Variants in PTPRN2 observed in about 807,000 individuals in gnomAD.
PTPRN2 encodes the protein receptor-type tyrosine-protein phosphatase N2.
A neutral mutation model predicts 118.8 loss-of-function variants in PTPRN2; 74 were observed. That is an observed-to-expected ratio of 0.62 (90% CI 0.52 to 0.76). PTPRN2 has a LOEUF of 0.76. PTPRN2 is among the 30% of genes least tolerant of loss of function. The pLI is 0.00. For missense variants in PTPRN2, 1,481 were observed against 1,394.4 expected, an observed-to-expected ratio of 1.06 and a Z score of -0.99; for synonymous variants, 641 against 608.0, an observed-to-expected ratio of 1.05 and a Z score of -0.80.
chr7:157,958,341 T>C (rs996640277), intron 11 of PTPRN2, among the ~76,000 whole-genome samples: 1 of 152,082 alleles, frequency 6.6e-6, no homozygotes, highest in Admixed American at 6.6e-5. Context: ...CTAGGAACAA[T>C]ATGAGGAGGC....
chr7:157,541,101 C>T (rs1797992694), intron 22 of PTPRN2, among the ~76,000 whole-genome samples: 1 of 152,240 alleles, frequency 6.6e-6, no homozygotes, highest in Non-Finnish European at 1.5e-5. Context: ...GCAACGGTTC[C>T]TGCGTACTGC....
At chr7:158,238,360 G>A (rs1795681330) in intron 3 of PTPRN2, among the ~76,000 whole-genome samples, 1 of 151,984 alleles carries the variant, frequency 6.6e-6, no homozygotes, top group Non-Finnish European at 1.5e-5. Flanking sequence ...ATAAAATAAA[G>A]CGGGGGGTGT....
intron 11 of PTPRN2, among the ~76,000 whole-genome samples, chr7:158,066,588 A>G (rs532002583): frequency 4.1e-4 from 63 of 152,140 alleles, no homozygotes; most frequent in Non-Finnish European, 8.2e-4. Flanking sequence ...GGCACTGTAG[A>G]GAGACAGAAA....
chr7:158,000,522 C>T (rs1805142227), intron 11 of PTPRN2, among the ~76,000 whole-genome samples: 1 of 149,738 alleles, frequency 6.7e-6, no homozygotes, highest in South Asian at 2.1e-4. Context: ...AGGAAGCTGC[C>T]TGACATTTCG....
Position 158,205,788 on chromosome 7 carries a change from G to T in PTPRN2, c.278-515C>A, listed in dbSNP as rs370661273. On this transcript the variant is annotated intron_variant, in intron 3 of 22. Coordinates refer to ENST00000389418, the MANE Select transcript of PTPRN2 (RefSeq NM_002847.5). The stretch of plus-strand genomic sequence containing the variant: ...GCATGCACTTGGGAGAGAGAGCACA[G>T]TGATAGTGGGACTTGGTATTGGAAC... 2.0e-4 allele frequency among the ~76,000 whole-genome samples: 30 copies of T among 152,326 alleles called. No individual in the cohort carries two copies. In the East Asian group the frequency reaches 5.8e-3, roughly 29 times the overall value.
chr7:157,949,046 G>A (rs1800657421), intron 11 of PTPRN2, among the ~76,000 whole-genome samples: 2 of 152,118 alleles, frequency 1.3e-5, no homozygotes, highest in African/African-American at 4.8e-5. Context: ...CAGGGGGCGG[G>A]TGTCTTAGAA....
Position 157,794,923 on chromosome 7 carries a change from T to A in PTPRN2, c.1788+103750A>T, listed in dbSNP as rs1261592584. ...GGTCCTCAGAGAGGAGGGATTTCCA[T>A]GTGAAAGAGGCCAGAGTGCTTCCCT... is the stretch of plus-strand genomic sequence containing the variant. On this transcript the variant is annotated intron_variant, in intron 12 of 22. Coordinates refer to ENST00000389418, the MANE Select transcript of PTPRN2 (RefSeq NM_002847.5). This position sits in a 1 kb window ranked among gnomAD's most constrained non-coding sequence, Gnocchi z 5.2. Among the ~76,000 whole-genome samples, 2 of 152,268 alleles carry A rather than the reference T, an allele frequency of 1.3e-5. No individual in the cohort carries two copies. The highest frequency in any genetic ancestry group is 2.9e-5 in the Non-Finnish European group (2 of 68,048).
At chr7:158,126,957 C>A (rs142906387) in intron 9 of PTPRN2, among the ~76,000 whole-genome samples, 44 of 152,304 alleles carry the variant, frequency 2.9e-4, no homozygotes, top group Non-Finnish European at 6.3e-4. Context: ...GAGGTGAGCA[C>A]GCAGCAGCCC....
At chr7:158,516,299 G>A (rs1422874517) in intron 1 of PTPRN2, among the ~76,000 whole-genome samples, 2 of 152,222 alleles carry the variant, frequency 1.3e-5, no homozygotes, top group Non-Finnish European at 2.9e-5. Context: ...GGGCAACAAA[G>A]TGAGACCCTG....
At chr7:158,272,486 C>G (rs930889253) in intron 3 of PTPRN2, among the ~76,000 whole-genome samples, 2 of 152,070 alleles carry the variant, frequency 1.3e-5, no homozygotes, top group African/African-American at 4.8e-5. Flanking sequence ...ACCAAAAACA[C>G]TGAGCAGGTT....
In PTPRN2 at chr7:157,964,591, A is replaced by C. The variant is rs919410340; in HGVS notation, c.1724-65854T>G. Among the ~76,000 whole-genome samples, 7 of 152,246 alleles carry C rather than the reference A, an allele frequency of 4.6e-5. No individual in the cohort carries two copies. The highest frequency in any genetic ancestry group is 1.7e-4 in the African/African-American group (7 of 41,476). On this transcript the variant is annotated intron_variant, in intron 11 of 22. Transcript: ENST00000389418. The surrounding 1 kb of genome is among the most constrained non-coding windows in gnomAD (Gnocchi z 9.0). ...CCCGTGCAGGCCACAACACAGGAGC[A>C]GGTGCAGCAGGGCCCTTGAGTCTGT... is the stretch of plus-strand genomic sequence containing the variant.
rs114887126 is a variant in PTPRN2 at position 157,940,328 on chromosome 7, T to C, written c.1724-41591A>G. Reference sequence around the variant, plus strand: ...TGCTCCTTACTTTCAAAGCAAACTCTTTTTTGTGCCATCAAGAGGCAAAGT... The same window carrying C: ...TGCTCCTTACTTTCAAAGCAAACTCCTTTTTGTGCCATCAAGAGGCAAAGT... On this transcript the variant is annotated intron_variant, in intron 11 of 22. Transcript: ENST00000389418. Among the ~76,000 whole-genome samples the C allele has an allele frequency of 6.8e-3, 1,030 of 152,276 alleles. 14 individuals are homozygous for C. Among genetic ancestry groups the C allele is most frequent in the African/African-American group, 0.023 (973 of 41,546 alleles).
Position 158,509,372 on chromosome 7 carries a change from C to G in PTPRN2, c.113-19587G>C, listed in dbSNP as rs1390509034. Reference sequence around the variant, plus strand: ...AGACCCCTCCACCCTGCAGTCAGGGCCAGCGGGGCTGTCTCAGGCAGCACA... The same window carrying G: ...AGACCCCTCCACCCTGCAGTCAGGGGCAGCGGGGCTGTCTCAGGCAGCACA... On this transcript the variant is annotated intron_variant, in intron 1 of 22. Coordinates refer to ENST00000389418, the MANE Select transcript of PTPRN2 (RefSeq NM_002847.5). The surrounding 1 kb of genome is among the most constrained non-coding windows in gnomAD (Gnocchi z 4.4). Among the ~76,000 whole-genome samples, 1 of 152,192 alleles carries G rather than the reference C, an allele frequency of 6.6e-6. No homozygotes were observed.
chr7:158,422,795 C>T (rs1274074278), intron 2 of PTPRN2, among the ~76,000 whole-genome samples: 1 of 152,210 alleles, frequency 6.6e-6, no homozygotes, highest in Non-Finnish European at 1.5e-5. Flanking sequence ...CTGACACTGC[C>T]GGCTTCTGGG....
At chr7:158,181,569 C>T (rs541734843) in intron 5 of PTPRN2, among the ~76,000 whole-genome samples, 1 of 152,094 alleles carries the variant, frequency 6.6e-6, no homozygotes, top group Admixed American at 6.6e-5. Context: ...TGGTCCTGGG[C>T]TTTTTTTGTT....
intron 3 of PTPRN2, among the ~76,000 whole-genome samples, chr7:158,310,558 G>C (rs898792260): frequency 1.3e-5 from 2 of 152,254 alleles, no homozygotes; most frequent in African/African-American, 2.4e-5. Context: ...ACAAATGGCC[G>C]GCCGGAGATG....
At chr7:158,158,886 C>T (rs1822104203) in intron 6 of PTPRN2, among the ~76,000 whole-genome samples, 1 of 71,636 alleles carries the variant, frequency 1.4e-5, no homozygotes, top group Non-Finnish European at 2.5e-5. Context: ...TGAGTGAACT[C>T]GGGAGAATCA....
chr7:158,407,156 T>C (rs558728004), intron 2 of PTPRN2, among the ~76,000 whole-genome samples: 25,971 of 94,876 alleles, frequency 0.27, 3,535 homozygotes, highest in East Asian at 0.55. Context: ...TCCTGGGTCC[T>C]GGGTCCTGGG....
chr7:158,084,300 G>T (rs970978059), intron 10 of PTPRN2, among the ~76,000 whole-genome samples: 6 of 70,272 alleles, frequency 8.5e-5, no homozygotes, highest in African/African-American at 3.3e-4. Context: ...CGCCCGCCAC[G>T]TCTGCTGTGC....
Sources: gnomAD v4.1 joint callset for allele counts (sites outside exome capture counted in the v4.1 genomes callset) on GRCh38, gnomAD v4.1.1 for gene constraint, Gnocchi (gnomAD v3.1) non-coding constraint, MANE v1.5 for transcripts, NCBI Gene and HGNC (gene_info 2026-07-23, HGNC 2026-07-21) for gene names.